Variants in PVT1 observed in about 807,000 individuals in gnomAD.
PVT1 encodes the protein Pvt1 oncogene.
chr8:127,847,216 T>C (rs1401605331), intron 2 of PVT1, among the ~76,000 whole-genome samples: 2 of 98,912 alleles, frequency 2.0e-5, no homozygotes, highest in Non-Finnish European at 4.0e-5. Flanking sequence ...TTGGCCAGGA[T>C]AGTCGAACTC....
chr8:127,937,674 T>C (rs1171866093), intron 3 of PVT1, among the ~76,000 whole-genome samples: 1 of 151,204 alleles, frequency 6.6e-6, no homozygotes, highest in African/African-American at 2.4e-5. Flanking sequence ...CAAAAACCAC[T>C]TGTGATACCT....
chr8:128,066,344 A>G (rs866122903), intron 4 of PVT1, among the ~76,000 whole-genome samples: 1 of 152,184 alleles, frequency 6.6e-6, no homozygotes. Context: ...CCTGCTGCTG[A>G]TCAGTGCTAT....
chr8:127,818,359 A>G (rs184972822), intron 2 of PVT1, among the ~76,000 whole-genome samples: 92 of 152,260 alleles, frequency 6.0e-4, no homozygotes, highest in African/African-American at 2.2e-3. Flanking sequence ...GTGAGGAATC[A>G]ATAGCTGTTA....
chr8:128,040,425 A>G (rs1275181774), intron 4 of PVT1, among the ~76,000 whole-genome samples: 1 of 152,184 alleles, frequency 6.6e-6, no homozygotes, highest in African/African-American at 2.4e-5. Flanking sequence ...AGCCCCCATA[A>G]TCACACGAGC....
At chr8:127,924,977 G>A (rs1816111653) in intron 3 of PVT1, among the ~76,000 whole-genome samples, 1 of 152,126 alleles carries the variant, frequency 6.6e-6, no homozygotes, top group Non-Finnish European at 1.5e-5. Context: ...TATTCATGGA[G>A]TTGTGCAACC....
At chr8:127,843,582 A>C (rs1814996735) in intron 2 of PVT1, among the ~76,000 whole-genome samples, 1 of 151,874 alleles carries the variant, frequency 6.6e-6, no homozygotes, top group Non-Finnish European at 1.5e-5. Context: ...AGCTGGGACT[A>C]CAGGCGCCCG....
intron 4 of PVT1, among the ~76,000 whole-genome samples, chr8:128,042,796 C>T (rs56040136): frequency 0.34 from 48,263 of 143,024 alleles, 8,011 homozygotes; most frequent in East Asian, 0.51. Context: ...AGAGATCTTG[C>T]TCTGTCACCC....
intron 2 of PVT1, among the ~76,000 whole-genome samples, chr8:127,820,446 A>T (rs923704443): frequency 6.6e-6 from 1 of 152,210 alleles, no homozygotes; most frequent in Non-Finnish European, 1.5e-5. Flanking sequence ...TCAGAGCAGG[A>T]TGCATGATGG....
At chr8:127,828,465 T>C (rs13257364) in intron 2 of PVT1, among the ~76,000 whole-genome samples, 1 of 152,220 alleles carries the variant, frequency 6.6e-6, no homozygotes, top group African/African-American at 2.4e-5. Flanking sequence ...TTTCTCTTCT[T>C]GGAAGCACAA....
chr8:128,076,709 C>T (rs1164118695), intron 5 of PVT1, among the ~76,000 whole-genome samples: 1 of 152,120 alleles, frequency 6.6e-6, no homozygotes, highest in Non-Finnish European at 1.5e-5. Context: ...AGTTGAAAAC[C>T]ACACTCGCTT....
intron 4 of PVT1, among the ~76,000 whole-genome samples, chr8:128,025,951 CTTT>C (rs59269842): frequency 0.06 from 8,581 of 143,462 alleles, 774 homozygotes; most frequent in African/African-American, 0.21. Flanking sequence ...ATCCAGCCTC[CTTT>C]TTTTTTTTTT....
chr8:127,985,693 G>C (rs1461666415), intron 3 of PVT1, among the ~76,000 whole-genome samples: 1 of 152,178 alleles, frequency 6.6e-6, no homozygotes, highest in Non-Finnish European at 1.5e-5. Context: ...TCTCCAGAGG[G>C]AAGGAACATA....
At chr8:128,005,736 T>C (rs1414293120) in intron 4 of PVT1, among the ~76,000 whole-genome samples, 3 of 152,160 alleles carry the variant, frequency 2.0e-5, no homozygotes, top group Admixed American at 6.5e-5. Context: ...TGCTGAGTGC[T>C]AGCAAAGAAA....
At chr8:128,048,583 A>G (rs1813648266) in intron 4 of PVT1, 1 of 152,212 alleles carries the variant, frequency 6.6e-6, no homozygotes, top group Non-Finnish European at 1.5e-5. Context: ...CCTCCCCAGA[A>G]GCTGGGATCA....
intron 3 of PVT1, among the ~76,000 whole-genome samples, chr8:127,982,820 T>C (rs1047195497): frequency 1.3e-5 from 2 of 152,190 alleles, no homozygotes; most frequent in Non-Finnish European, 2.9e-5. Context: ...CCCAGACCCC[T>C]GTTTCTCCTC....
In PVT1 at chr8:127,962,639, G is replaced by A. The variant is rs114292943; in HGVS notation, n.783-26523G>A. On this transcript the variant is annotated intron_variant and non_coding_transcript_variant, in intron 3 of 10. Coordinates refer to ENST00000651587, the Ensembl canonical transcript of PVT1. ...TTTTTTTTGTTGACGATTTGTTGAC[G>A]AGGCTGGAGTGCGGGGGTGCTATCT... Among the ~76,000 whole-genome samples, 322 of 151,894 alleles carry A rather than the reference G, an allele frequency of 2.1e-3. 3 individuals are homozygous for A. Among genetic ancestry groups the A allele is most frequent in the African/African-American group, 7.6e-3 (315 of 41,438 alleles).
intron 2 of PVT1, among the ~76,000 whole-genome samples, chr8:127,885,447 A>G (rs1012725270): frequency 3.3e-5 from 5 of 152,184 alleles, no homozygotes; most frequent in Non-Finnish European, 7.3e-5. Flanking sequence ...AGGCTCAGAC[A>G]TATTTGGTGT....
At chr8:127,814,843 C>T (rs1036040417) in intron 2 of PVT1, among the ~76,000 whole-genome samples, 3 of 152,204 alleles carry the variant, frequency 2.0e-5, no homozygotes, top group East Asian at 3.8e-4. Flanking sequence ...CTCCTCTCCC[C>T]CTCCCCTCAT....
chr8:128,055,828 A>G (rs1813756145), intron 4 of PVT1, among the ~76,000 whole-genome samples: 1 of 152,180 alleles, frequency 6.6e-6, no homozygotes, highest in East Asian at 1.9e-4. Context: ...GGGTAGCTGA[A>G]TCCCAAGTGG....
Sources: allele counts gnomAD v4.1 joint callset (sites outside exome capture counted in the v4.1 genomes callset), GRCh38; gene constraint gnomAD v4.1.1; transcripts MANE v1.5; gene names NCBI Gene and HGNC (gene_info 2026-07-23, HGNC 2026-07-21).